Variants in MECOM observed in about 807,000 individuals in gnomAD.
MECOM encodes histone-lysine N-methyltransferase MECOM.
A neutral mutation model predicts 116.3 loss-of-function variants in MECOM; 13 were observed. The observed-to-expected ratio is 0.11, with a 90% CI of 0.07 to 0.18. The LOEUF (loss-of-function observed/expected upper bound fraction) is 0.18. Ranked by LOEUF, MECOM falls within the 10% of genes least tolerant of loss-of-function variation. The pLI is 1.00. For synonymous variants in MECOM, 528 were observed against 535.2 expected, an observed-to-expected ratio of 0.99 and a Z score of 0.19; for missense variants, 1,299 against 1,509.0, an observed-to-expected ratio of 0.86 and a Z score of 2.31.
intron 6 of MECOM, 140 bp downstream of exon 6, chr3:169,122,440 C>G: frequency 1.1e-6 from 1 of 907,094 alleles, no homozygotes; most frequent in Admixed American, 2.7e-5. Flanking sequence ...TGCCTTTTAG[C>G]ATACAACACT....
chr3:169,540,282 C>T (rs1759915207), intron 1 of MECOM, among the ~76,000 whole-genome samples: 1 of 152,066 alleles, frequency 6.6e-6, no homozygotes, highest in South Asian at 2.1e-4. Flanking sequence ...TTCTCCCTTT[C>T]CCTCACTCCC....
At chr3:169,548,279 C>A (rs1439753855) in intron 1 of MECOM, among the ~76,000 whole-genome samples, 1 of 152,116 alleles carries the variant, frequency 6.6e-6, no homozygotes, top group Non-Finnish European at 1.5e-5. Context: ...TTTTAGAATG[C>A]CACCTTTTTC....
chr3:169,387,372 T>G (rs916137538), intron 1 of MECOM, among the ~76,000 whole-genome samples: 4 of 152,214 alleles, frequency 2.6e-5, no homozygotes, highest in Admixed American at 1.3e-4. Context: ...CTAAATGCCT[T>G]CTCTTTTTGT....
chr3:169,181,468 G>T (rs1416263855), intron 2 of MECOM, among the ~76,000 whole-genome samples: 1 of 152,060 alleles, frequency 6.6e-6, no homozygotes, highest in Non-Finnish European at 1.5e-5. Flanking sequence ...AATCAGCAAT[G>T]GTTCCAGAGG....
chr3:169,263,407 T>C (rs912227070), intron 2 of MECOM, among the ~76,000 whole-genome samples: 2 of 151,518 alleles, frequency 1.3e-5, no homozygotes, highest in Non-Finnish European at 2.9e-5. Context: ...GGATTACAGA[T>C]GTGAGCCACC....
chr3:169,142,905 G>A (rs955856635), intron 3 of MECOM, among the ~76,000 whole-genome samples: 2 of 151,914 alleles, frequency 1.3e-5, no homozygotes, highest in Non-Finnish European at 2.9e-5. Flanking sequence ...ATTGGGTTAA[G>A]AGAAATAAAT....
intron 11 of MECOM, among the ~76,000 whole-genome samples, 169 bp downstream of exon 11, chr3:169,101,891 A>C (rs1264797120): frequency 6.6e-6 from 1 of 152,234 alleles, no homozygotes; most frequent in Non-Finnish European, 1.5e-5. Flanking sequence ...ATTTTTTAAA[A>C]ACACTATTTT....
intron 2 of MECOM, chr3:169,146,688 A>C (rs1027748862): frequency 7.7e-7 from 1 of 1,294,176 alleles, no homozygotes; most frequent in African/African-American, 1.5e-5. Flanking sequence ...CATCGCCCAG[A>C]CTTTTTTTCC....
intron 2 of MECOM, among the ~76,000 whole-genome samples, chr3:169,345,252 A>G (rs928815834): frequency 1.3e-5 from 2 of 152,124 alleles, no homozygotes; most frequent in African/African-American, 4.8e-5. Flanking sequence ...GTATTGCATA[A>G]CAAATATACG....
At chr3:169,342,225 T>C (rs1486109987) in intron 2 of MECOM, among the ~76,000 whole-genome samples, 3 of 152,056 alleles carry the variant, frequency 2.0e-5, no homozygotes, top group Admixed American at 6.6e-5. Flanking sequence ...TTTATACTTA[T>C]GGTAAAAATT....
At chr3:169,577,682 A>C (rs1764679318) in intron 1 of MECOM, among the ~76,000 whole-genome samples, 1 of 152,156 alleles carries the variant, frequency 6.6e-6, no homozygotes, top group Non-Finnish European at 1.5e-5. Context: ...TCAAATTTGG[A>C]TTCAGAATCT....
intron 3 of MECOM, among the ~76,000 whole-genome samples, chr3:169,137,606 A>G (rs1241750518): frequency 1.3e-5 from 2 of 152,108 alleles, no homozygotes; most frequent in African/African-American, 4.8e-5. Flanking sequence ...AAGACAAGAA[A>G]ATATTAATTG....
intron 1 of MECOM, among the ~76,000 whole-genome samples, chr3:169,634,243 C>CAA (rs1283073308): frequency 1.8e-5 from 1 of 55,528 alleles, no homozygotes; most frequent in Non-Finnish European, 4.1e-5. Context: ...TGTGCACAAA[C>CAA]ACACACACAC....
intron 12 of MECOM, among the ~76,000 whole-genome samples, chr3:169,100,101 C>CTTTTTTTTTTTTTTTTT (rs869032341): frequency 7.9e-5 from 4 of 50,632 alleles, no homozygotes; most frequent in Admixed American, 3.3e-4. Flanking sequence ...TTCTTTCTTT[C>CTTTTTTTTTTTTTTTTT]TTTTTTTTTT....
chr3:169,465,762 A>G (rs1053013558), intron 1 of MECOM, among the ~76,000 whole-genome samples: 3 of 152,206 alleles, frequency 2.0e-5, no homozygotes, highest in South Asian at 2.1e-4. Context: ...AGAAAATTCA[A>G]TCTTGGAGAT....
At chr3:169,569,167 GA>G (rs1008688503) in intron 1 of MECOM, among the ~76,000 whole-genome samples, 93 of 134,942 alleles carry the variant, frequency 6.9e-4, no homozygotes, top group East Asian at 1.3e-3. Context: ...CAAATGGAAA[GA>G]AAAAAAAAAA....
rs373590845 is a variant in MECOM, at chr3:169,604,304, A to G, written c.37+59032T>C. Among the ~76,000 whole-genome samples, 29 of 151,144 alleles carry G rather than the reference A, an allele frequency of 1.9e-4. No individual in the cohort carries two copies. The South Asian group carries it at 2.3e-3, about 12-fold the overall frequency. The stretch of plus-strand genomic sequence containing the variant: ...CCCTCCCTCCTTCTCTCATTCACAT[A>G]CACATACTCACTAGCTCCCCTGAGG... On this transcript the variant is annotated intron_variant, in intron 1 of 16. Coordinates refer to ENST00000651503, the MANE Select transcript of MECOM (RefSeq NM_004991.4).
At position 169,115,413 on chromosome 3, in the gene MECOM, G is replaced by T. The variant is rs762656595; in HGVS notation, c.2459C>A (p.Pro820His). Residue 820 changes from proline to histidine, a missense_variant, in exon 8 of 17, where the codon CCC becomes CAC. Around this residue, in one of 6 missense-constraint regions of MECOM, gnomAD observed 340 missense variants for 312.6 expected, o/e 1.09. Coordinates refer to ENST00000651503, the MANE Select transcript of MECOM (RefSeq NM_004991.4). ...AATAGGGTCCATAAAGAAAGGAGTGGGTCTTGCATGCTGCAAGGAACCATC... is the reference window on the plus strand; with the variant it reads ...AATAGGGTCCATAAAGAAAGGAGTGTGTCTTGCATGCTGCAAGGAACCATC... ...ASDGSLQHAR[P>H]TPFFMDPIYR... The T allele has an allele frequency of 1.9e-6, 3 of 1,614,034 alleles. No individual in the cohort carries two copies. In the South Asian group the frequency reaches 3.3e-5, roughly 18 times the overall value.
intron 1 of MECOM, among the ~76,000 whole-genome samples, chr3:169,417,143 A>G (rs1738776458): frequency 6.6e-6 from 1 of 151,682 alleles, no homozygotes; most frequent in African/African-American, 2.4e-5. Flanking sequence ...TGCACAGCAA[A>G]AGAAACTACC....
Sources: allele counts gnomAD v4.1 joint callset (sites outside exome capture counted in the v4.1 genomes callset), GRCh38; gene constraint gnomAD v4.1.1; regional missense constraint gnomAD v4.1.1; transcripts MANE v1.5; gene names NCBI Gene and HGNC (gene_info 2026-07-23, HGNC 2026-07-21).